Variants in PTPRD observed in about 807,000 individuals in gnomAD.
PTPRD encodes the protein protein tyrosine phosphatase receptor type D.
Under a neutral mutation model 214.5 loss-of-function variants are expected in PTPRD, and 34 were observed. The observed-to-expected ratio is 0.16, with a 90% CI of 0.12 to 0.21. The LOEUF is 0.21. PTPRD is among the 10% of genes least tolerant of loss of function. The pLI, the probability that PTPRD is intolerant of heterozygous loss-of-function variation, is 1.00. For missense variants in PTPRD, 2,545 were observed against 2,398.7 expected, an observed-to-expected ratio of 1.06 and a Z score of -1.27; for synonymous variants, 1,128 against 845.7, an observed-to-expected ratio of 1.33 and a Z score of -5.79.
intron 10 of PTPRD, among the ~76,000 whole-genome samples, chr9:9,022,979 C>G (rs919166414): frequency 6.6e-6 from 1 of 152,090 alleles, no homozygotes; most frequent in Admixed American, 6.6e-5. Flanking sequence ...TGAGAATAAA[C>G]CATGGTAGAT....
intron 7 of PTPRD, among the ~76,000 whole-genome samples, chr9:9,603,285 T>G (rs1171616295): frequency 6.6e-6 from 1 of 152,162 alleles, no homozygotes; most frequent in Non-Finnish European, 1.5e-5. Context: ...ACCCCTTGCA[T>G]AGGCATGAGT....
intron 9 of PTPRD, among the ~76,000 whole-genome samples, chr9:9,383,802 G>T (rs1044458603): frequency 6.6e-6 from 1 of 151,958 alleles, no homozygotes; most frequent in African/African-American, 2.4e-5. Flanking sequence ...CCTCAGCAAG[G>T]ACGTTCAGCT....
At chr9:10,343,473 A>G (rs910630230) in intron 2 of PTPRD, among the ~76,000 whole-genome samples, 8 of 152,150 alleles carry the variant, frequency 5.3e-5, no homozygotes, top group African/African-American at 1.9e-4. Context: ...CATGATTTAT[A>G]ATCCTTTGGG....
chr9:8,848,863 G>A lies in PTPRD; in HGVS notation c.-103-114917C>T, dbSNP rs1010401806. Among the ~76,000 whole-genome samples the A allele has an allele frequency of 3.1e-5, 4 of 130,566 alleles. 2 individuals carry two copies. The highest frequency in any genetic ancestry group is 6.9e-5 in the Non-Finnish European group (4 of 57,862). The allele number at this position is 130,566 out of a possible 152,430, so 85.7% of individuals were successfully genotyped here. A position where few individuals can be genotyped will look rare whatever the true frequency, so the allele number is the denominator to read the frequency against. On this transcript the variant is annotated intron_variant, in intron 11 of 45. Coordinates refer to ENST00000381196, the MANE Select transcript of PTPRD (RefSeq NM_002839.4). ...GATCAACCCTCTTCTGTGAAATGATGATAATAAAACCATCTGACTTACACA... is the reference window on the plus strand; with the variant it reads ...GATCAACCCTCTTCTGTGAAATGATAATAATAAAACCATCTGACTTACACA...
intron 8 of PTPRD, among the ~76,000 whole-genome samples, chr9:9,568,858 G>C (rs62534663): frequency 0.057 from 8,656 of 151,716 alleles, 319 homozygotes; most frequent in Non-Finnish European, 0.089. Flanking sequence ...AGCTCTCCAG[G>C]ACTATAAATT....
At chr9:10,229,593 A>G (rs889637450) in intron 3 of PTPRD, among the ~76,000 whole-genome samples, 1 of 151,906 alleles carries the variant, frequency 6.6e-6, no homozygotes, top group African/African-American at 2.4e-5. Flanking sequence ...TCAGCACACT[A>G]TCACAAGGAC....
At chr9:10,291,122 G>A (rs1463785450) in intron 3 of PTPRD, among the ~76,000 whole-genome samples, 2 of 151,590 alleles carry the variant, frequency 1.3e-5, no homozygotes, top group Admixed American at 1.3e-4. Context: ...CTTCCTAAGG[G>A]GCTTCTGAGA....
chr9:9,388,511 A>C (rs1034375169), intron 9 of PTPRD, among the ~76,000 whole-genome samples: 10 of 152,200 alleles, frequency 6.6e-5, no homozygotes, highest in African/African-American at 2.4e-4. Context: ...TGTCCAAGTA[A>C]ACTAAGATGT....
At chr9:10,169,455 A>C (rs976832265) in intron 3 of PTPRD, among the ~76,000 whole-genome samples, 2 of 143,286 alleles carry the variant, frequency 1.4e-5, no homozygotes, top group Non-Finnish European at 3.0e-5. Context: ...GCCTGGGCGA[A>C]AGAGCGAGAC....
chr9:9,098,069 G>A (rs2099786200), intron 10 of PTPRD, among the ~76,000 whole-genome samples: 1 of 151,642 alleles, frequency 6.6e-6, no homozygotes. Context: ...TATAATCAAA[G>A]TAAATATATT....
At chr9:9,760,597 C>T (rs1312364619) in intron 6 of PTPRD, among the ~76,000 whole-genome samples, 1 of 75,894 alleles carries the variant, frequency 1.3e-5, no homozygotes, top group African/African-American at 5.4e-5. Context: ...ACTCAGCTAT[C>T]ATACACACAC....
intron 11 of PTPRD, among the ~76,000 whole-genome samples, chr9:8,942,262 C>A (rs537677071): frequency 6.6e-6 from 1 of 152,080 alleles, no homozygotes; most frequent in Non-Finnish European, 1.5e-5. Context: ...TAACAATATA[C>A]TTTTTTCTGG....
chr9:9,822,785 C>A (rs1183575281), intron 5 of PTPRD, among the ~76,000 whole-genome samples: 1 of 151,904 alleles, frequency 6.6e-6, no homozygotes. Flanking sequence ...GCTGACATGA[C>A]CTCATGTGAC....
chr9:10,293,103 G>A (rs886588290), intron 3 of PTPRD, among the ~76,000 whole-genome samples: 2 of 151,860 alleles, frequency 1.3e-5, no homozygotes, highest in African/African-American at 4.8e-5. Context: ...AATTTCAGTA[G>A]TATAACCAGG....
intron 5 of PTPRD, among the ~76,000 whole-genome samples, chr9:9,796,636 GA>G (rs2099004305): frequency 6.6e-6 from 1 of 151,834 alleles, no homozygotes; most frequent in Non-Finnish European, 1.5e-5. Context: ...CATAAAAGAA[GA>G]AAAAACAAGC....
At chr9:9,257,498 T>C (rs1376237056) in intron 9 of PTPRD, among the ~76,000 whole-genome samples, 2 of 151,930 alleles carry the variant, frequency 1.3e-5, no homozygotes, top group African/African-American at 2.4e-5. Context: ...TTATATATGA[T>C]ATTTAAAAAT....
At chr9:10,343,869 G>A (rs545697686) in intron 2 of PTPRD, among the ~76,000 whole-genome samples, 2 of 148,994 alleles carry the variant, frequency 1.3e-5, no homozygotes, top group Non-Finnish European at 3.0e-5. Context: ...TCGTTTTCTT[G>A]TAAATTTGTT....
At position 9,429,527 on chromosome 9, in the gene PTPRD, G is replaced by A. The variant is rs896932561; in HGVS notation, c.-236-32045C>T. Among the ~76,000 whole-genome samples, 5 of 152,304 alleles carry A rather than the reference G, an allele frequency of 3.3e-5. No individual in the cohort carries two copies. In the East Asian group the frequency reaches 7.7e-4, roughly 24 times the overall value. ...AACTATTCCAATCAGTAGAAAAAGA[G>A]GGAATCCTCCCTTACTCATTTTATG... is the stretch of plus-strand genomic sequence containing the variant. On this transcript the variant is annotated intron_variant, in intron 8 of 45. Coordinates refer to ENST00000381196, the MANE Select transcript of PTPRD (RefSeq NM_002839.4).
chr9:8,617,655 A>G (rs1467523359), intron 14 of PTPRD, among the ~76,000 whole-genome samples: 1 of 152,146 alleles, frequency 6.6e-6, no homozygotes, highest in African/African-American at 2.4e-5. Context: ...TAAGTCTTAC[A>G]GTCTTGATTT....
Sources: allele counts gnomAD v4.1 joint callset (sites outside exome capture counted in the v4.1 genomes callset), GRCh38; gene constraint gnomAD v4.1.1; transcripts MANE v1.5; gene names NCBI Gene and HGNC (gene_info 2026-07-23, HGNC 2026-07-21).